OPCML: variants seen among roughly 807,000 people sequenced by gnomAD.
OPCML encodes opioid-binding protein/cell adhesion molecule.
OPCML carries 13 observed loss-of-function variants against 37.8 expected under a neutral mutation model. The ratio of observed to expected loss-of-function variants is 0.34; its 90% confidence interval spans 0.22 to 0.55. OPCML has a LOEUF of 0.55. OPCML is among the 20% of genes least tolerant of loss of function. The probability of loss-of-function intolerance (pLI) is 0.91; values close to 1 mark genes in which losing one functional copy is unlikely to be tolerated. For synonymous variants in OPCML, 176 were observed against 168.8 expected, an observed-to-expected ratio of 1.04 and a Z score of -0.33; for missense variants, 341 against 435.6, an observed-to-expected ratio of 0.78 and a Z score of 1.93.
chr11:133,358,895 G>T (rs1944352416), intron 1 of OPCML, among the ~76,000 whole-genome samples: 1 of 152,138 alleles, frequency 6.6e-6, no homozygotes. Context: ...GCTGAAGCAG[G>T]TGTCTGATGG....
intron 2 of OPCML, among the ~76,000 whole-genome samples, chr11:132,670,015 C>T (rs970582782): frequency 2.0e-5 from 3 of 152,098 alleles, no homozygotes; most frequent in African/African-American, 2.4e-5. Context: ...CCTTCCTCCA[C>T]ATCCTGAACA....
intron 2 of OPCML, among the ~76,000 whole-genome samples, chr11:132,897,890 G>A (rs145038227): frequency 6.6e-6 from 1 of 152,176 alleles, no homozygotes; most frequent in Non-Finnish European, 1.5e-5. Context: ...GTCGGCAAAG[G>A]ATGTGAAGTT....
At chr11:132,571,214 G>T (rs142769853) in intron 3 of OPCML, among the ~76,000 whole-genome samples, 233 of 152,088 alleles carry the variant, frequency 1.5e-3, no homozygotes, top group African/African-American at 5.3e-3. Flanking sequence ...GTTTGCTGGG[G>T]GGTCTCGGGC....
rs541764842 is a variant in OPCML, at chr11:133,431,439, G to A, written c.61+100825C>T. Among the ~76,000 whole-genome samples, 65 of 151,802 alleles carry A rather than the reference G, an allele frequency of 4.3e-4. 1 individual carries two copies. The highest frequency in any genetic ancestry group is 1.3e-3 in the Admixed American group (20 of 15,268). On this transcript the variant is annotated intron_variant, in intron 1 of 7. Coordinates refer to ENST00000524381, the MANE Select transcript of OPCML (RefSeq NM_001012393.5). ...CTACTTACTACAATAAATACCATAT[G>A]TATTGTATGAATCTCAATGTTTTTT...
chr11:132,678,134 C>T (rs1055571960), intron 2 of OPCML, among the ~76,000 whole-genome samples: 4 of 152,150 alleles, frequency 2.6e-5, no homozygotes, highest in African/African-American at 4.8e-5. Flanking sequence ...GGCAAGTAAG[C>T]ATCTGAAAAG....
intron 1 of OPCML, among the ~76,000 whole-genome samples, chr11:133,106,031 T>C: frequency 6.6e-6 from 1 of 152,032 alleles, no homozygotes; most frequent in East Asian, 1.9e-4. Context: ...AAAATCAGTA[T>C]GTTCAATGGT....
chr11:133,076,831 C>T (rs1310841057), intron 1 of OPCML, among the ~76,000 whole-genome samples: 2 of 152,146 alleles, frequency 1.3e-5, no homozygotes, highest in African/African-American at 4.8e-5. Flanking sequence ...CACTAGGAAT[C>T]TTCTGTATTC....
chr11:132,903,161 A>G (rs1337608706), intron 2 of OPCML, among the ~76,000 whole-genome samples: 3 of 151,984 alleles, frequency 2.0e-5, no homozygotes, highest in Non-Finnish European at 4.4e-5. Context: ...CTGTTGATAA[A>G]TTTGTTATGG....
intron 1 of OPCML, among the ~76,000 whole-genome samples, chr11:133,358,922 G>A (rs774557983): frequency 1.8e-4 from 27 of 152,072 alleles, no homozygotes; most frequent in Non-Finnish European, 2.2e-4. Context: ...AGAGACCAGC[G>A]TGGCTGGGCT....
intron 2 of OPCML, among the ~76,000 whole-genome samples, chr11:132,857,784 CATTG>C (rs2136348140): frequency 6.6e-6 from 1 of 152,166 alleles, no homozygotes; most frequent in East Asian, 1.9e-4. Context: ...AATTAAAAAG[CATTG>C]ATTTTTTGTC....
At chr11:133,522,022 C>T (rs1406258873) in intron 1 of OPCML, among the ~76,000 whole-genome samples, 1 of 152,180 alleles carries the variant, frequency 6.6e-6, no homozygotes, top group Non-Finnish European at 1.5e-5. Flanking sequence ...GTTTTGATTG[C>T]ACCCATGTCT....
intron 3 of OPCML, among the ~76,000 whole-genome samples, chr11:132,608,228 A>T (rs1382361916): frequency 1.3e-5 from 2 of 152,200 alleles, no homozygotes; most frequent in East Asian, 3.8e-4. Flanking sequence ...GCACATGCTC[A>T]AATGAATTCT....
chr11:133,402,632 C>T (rs1470948318), intron 1 of OPCML, among the ~76,000 whole-genome samples: 1 of 152,092 alleles, frequency 6.6e-6, no homozygotes, highest in Non-Finnish European at 1.5e-5. Context: ...TATAAAAGTA[C>T]CCAATCTCCT....
intron 2 of OPCML, among the ~76,000 whole-genome samples, chr11:132,753,407 A>G (rs1335567922): frequency 6.6e-6 from 1 of 152,254 alleles, no homozygotes; most frequent in East Asian, 1.9e-4. Flanking sequence ...TGATGAAAAT[A>G]TAATTGTCTT....
chr11:132,979,389 C>T lies in OPCML; in HGVS notation c.62-36379G>A, dbSNP rs572130841. Among the ~76,000 whole-genome samples, 20 of 152,326 alleles carry T rather than the reference C, an allele frequency of 1.3e-4. No individual in the cohort carries two copies. The South Asian group carries it at 2.5e-3, about 19-fold the overall frequency. ...CTCCTCTCCCACAAGTCCATTCTAG[C>T]CACAGTTCCTTGTTCCTTAGACAGC... On this transcript the variant is annotated intron_variant, in intron 1 of 7. Transcript: ENST00000524381.
At position 132,591,327 on chromosome 11, in the gene OPCML, T is replaced by A. The variant is rs375067203; in HGVS notation, c.380-62141A>T. 1.2e-3 allele frequency among the ~76,000 whole-genome samples: 186 copies of A among 152,340 alleles called. 1 individual carries two copies. Among genetic ancestry groups the A allele is most frequent in the African/African-American group, 4.4e-3 (181 of 41,572 alleles). On this transcript the variant is annotated intron_variant, in intron 3 of 7. Transcript: ENST00000524381. Reference sequence around the variant, plus strand: ...GGGAGTCTAGACACAAAGCCATTTTTTCTCTCTCTCAAGAAATGTGTTTCA... The same window carrying A: ...GGGAGTCTAGACACAAAGCCATTTTATCTCTCTCTCAAGAAATGTGTTTCA...
rs533029989 is a variant in OPCML, at chr11:132,837,611, C to T, written c.146+105315G>A. 5.3e-5 allele frequency among the ~76,000 whole-genome samples: 8 copies of T among 152,234 alleles called. No homozygotes were observed. The East Asian group carries it at 7.7e-4, about 15-fold the overall frequency. On this transcript the variant is annotated intron_variant, in intron 2 of 7. Transcript: ENST00000524381. Reference sequence around the variant, plus strand: ...CAGAGAAAGAAAAAGCATGGGTCAACGACATACATACAAAGGTGTGCAGGG... The same window carrying T: ...CAGAGAAAGAAAAAGCATGGGTCAATGACATACATACAAAGGTGTGCAGGG...
intron 4 of OPCML, among the ~76,000 whole-genome samples, chr11:132,471,293 A>G (rs943049095): frequency 6.6e-6 from 1 of 152,166 alleles, no homozygotes; most frequent in Non-Finnish European, 1.5e-5. Flanking sequence ...ACAGCCTTCT[A>G]GTCATCTGCT....
intron 4 of OPCML, among the ~76,000 whole-genome samples, chr11:132,509,010 C>T (rs1026239785): frequency 6.6e-6 from 1 of 152,270 alleles, no homozygotes; most frequent in Non-Finnish European, 1.5e-5. Flanking sequence ...TCCCTAAATA[C>T]TTGTCAATGG....
Sources: allele counts gnomAD v4.1 joint callset (sites outside exome capture counted in the v4.1 genomes callset), GRCh38; gene constraint gnomAD v4.1.1; transcripts MANE v1.5; gene names NCBI Gene and HGNC (gene_info 2026-07-23, HGNC 2026-07-21).